The following ELMO1 variants were observed in gnomAD, a reference collection of about 807,000 sequenced individuals.
ELMO1 encodes the protein engulfment and cell motility protein 1.
A neutral mutation model predicts 98.9 loss-of-function variants in ELMO1; 26 were observed. The observed-to-expected ratio is 0.26, with a 90% CI of 0.19 to 0.36. ELMO1 has a LOEUF of 0.36. Among genes scored for constraint, ELMO1 ranks in the 10% least tolerant of loss-of-function variants. The pLI, the probability that ELMO1 is intolerant of heterozygous loss-of-function variation, is 1.00. For synonymous variants in ELMO1, 346 were observed against 346.0 expected (o/e 1.00, Z 0.00); for missense variants, 627 against 935.2 (o/e 0.67, Z 4.30).
At chr7:36,923,077 T>C (rs146579004) in intron 16 of ELMO1, among the ~76,000 whole-genome samples, 2,070 of 152,314 alleles carry the variant, frequency 0.014, 21 homozygotes, top group South Asian at 0.039. Context: ...CAAGTTCCAG[T>C]ACCTGTCTCC....
At chr7:37,278,573 A>T (rs1282613911) in intron 4 of ELMO1, among the ~76,000 whole-genome samples, 1 of 152,144 alleles carries the variant, frequency 6.6e-6, no homozygotes, top group African/African-American at 2.4e-5. Context: ...AACAAATTCT[A>T]CCTGTGGACA....
intron 16 of ELMO1, among the ~76,000 whole-genome samples, chr7:36,966,913 G>A (rs1189240444): frequency 1.3e-5 from 2 of 152,224 alleles, no homozygotes; most frequent in Non-Finnish European, 2.9e-5. Flanking sequence ...AGGCTGGCTC[G>A]CTGGCCACTG....
intron 19 of ELMO1, among the ~76,000 whole-genome samples, chr7:36,875,803 C>A (rs770418622): frequency 6.6e-6 from 1 of 152,166 alleles, no homozygotes; most frequent in Admixed American, 6.5e-5. Flanking sequence ...TGCCCCTACA[C>A]AAGGCTTTGT....
intron 7 of ELMO1, among the ~76,000 whole-genome samples, chr7:37,242,123 G>C (rs1408228376): frequency 6.6e-6 from 1 of 152,016 alleles, no homozygotes; most frequent in Non-Finnish European, 1.5e-5. Context: ...ATGTATTTCA[G>C]ATAACTTATT....
intron 16 of ELMO1, among the ~76,000 whole-genome samples, chr7:36,901,779 C>T (rs1806526049): frequency 6.6e-6 from 1 of 151,996 alleles, no homozygotes; most frequent in Non-Finnish European, 1.5e-5. Flanking sequence ...CTCTGAATCA[C>T]AGTCCTAGAC....
chr7:36,932,998 G>A (rs373832677), intron 16 of ELMO1, among the ~76,000 whole-genome samples: 133 of 152,208 alleles, frequency 8.7e-4, no homozygotes, highest in African/African-American at 3.0e-3. Flanking sequence ...ATCGTGTAGA[G>A]ACTGACTCTG....
At chr7:37,052,715 G>A (rs959166451) in intron 15 of ELMO1, among the ~76,000 whole-genome samples, 1 of 152,148 alleles carries the variant, frequency 6.6e-6, no homozygotes, top group African/African-American at 2.4e-5. Flanking sequence ...AAGTAGTCAC[G>A]GTACCAGCTG....
At chr7:37,263,999 A>G (rs1796116704) in intron 5 of ELMO1, among the ~76,000 whole-genome samples, 1 of 152,220 alleles carries the variant, frequency 6.6e-6, no homozygotes, top group Admixed American at 6.5e-5. Context: ...CAATAGGACA[A>G]TGGTGAAATA....
intron 6 of ELMO1, among the ~76,000 whole-genome samples, chr7:37,255,567 C>T (rs1031395199): frequency 1.3e-5 from 2 of 152,218 alleles, no homozygotes; most frequent in African/African-American, 4.8e-5. Flanking sequence ...AGGGGCTCCA[C>T]CACAGGCCCC....
chr7:37,216,662 G>A lies in ELMO1; in HGVS notation c.814C>T (p.Arg272Cys), dbSNP rs1311907939. The A allele has an allele frequency of 3.7e-6, 6 of 1,613,954 alleles. No individual in the cohort carries two copies. Among genetic ancestry groups the A allele is most frequent in the African/African-American group, 2.7e-5 (2 of 74,880 alleles). The change falls in exon 11 of 22, where the codon CGT becomes TGT. Residue 272 changes from arginine (R) to cysteine (C), a missense_variant. Physicochemically the swap from Arg to Cys is radical, Grantham distance 180. Coordinates refer to ENST00000310758, the MANE Select transcript of ELMO1 (RefSeq NM_014800.11). ...GTACTCACTGTTAAAATGATGGAAC[G>A]CAGTTGCTTCTGAGCCAAAATATTC... Reference protein sequence around the residue: ...MANILAQKQLRSIILTHVIRA... With the variant: ...MANILAQKQLCSIILTHVIRA...
intron 6 of ELMO1, among the ~76,000 whole-genome samples, chr7:37,258,881 T>G (rs1795834488): frequency 6.6e-6 from 1 of 152,000 alleles, no homozygotes. Flanking sequence ...GAGTTATACT[T>G]TCATTGTTGC....
intron 1 of ELMO1, among the ~76,000 whole-genome samples, chr7:37,439,586 T>C (rs1562693328): frequency 6.6e-6 from 1 of 152,242 alleles, no homozygotes; most frequent in Non-Finnish European, 1.5e-5. Context: ...TGAAGCATTA[T>C]GATCAGGGCT....
chr7:37,147,848 C>T (rs1361248607), intron 13 of ELMO1, among the ~76,000 whole-genome samples: 1 of 147,554 alleles, frequency 6.8e-6, no homozygotes, highest in African/African-American at 2.5e-5. Flanking sequence ...AAAAAAAAAG[C>T]CAGTTATTTA....
At chr7:37,251,065 C>A (rs1216921703) in intron 6 of ELMO1, among the ~76,000 whole-genome samples, 2 of 152,024 alleles carry the variant, frequency 1.3e-5, no homozygotes, top group African/African-American at 4.8e-5. Context: ...TGTCTGTGTG[C>A]TTAGAGGCAT....
Position 36,919,339 on chromosome 7 carries a change from G to A in ELMO1, c.1438-24322C>T, listed in dbSNP as rs370409376. 4.9e-5 allele frequency: 26 copies of A among 528,926 alleles called. No individual in the cohort carries two copies. In the Admixed American group the frequency reaches 5.0e-4, roughly 10 times the overall value. The allele number at this position is 528,926 out of a possible 1,614,324, so 32.8% of individuals were successfully genotyped here. ...TTCTAACACTGCTCAGATGCTGGCTGAAGACTTTGGGACTTCAGGCTATCC... is the reference window on the plus strand; with the variant it reads ...TTCTAACACTGCTCAGATGCTGGCTAAAGACTTTGGGACTTCAGGCTATCC... On this transcript the variant is annotated intron_variant, in intron 16 of 21. Coordinates refer to ENST00000310758, the MANE Select transcript of ELMO1 (RefSeq NM_014800.11).
chr7:37,384,458 C>T (rs968436380), intron 1 of ELMO1, among the ~76,000 whole-genome samples: 7 of 152,084 alleles, frequency 4.6e-5, no homozygotes, highest in African/African-American at 7.2e-5. Context: ...CAGTGGCTCA[C>T]GCCTGTAATC....
chr7:36,862,640 A>T (rs1468941225), intron 20 of ELMO1, among the ~76,000 whole-genome samples: 1 of 152,234 alleles, frequency 6.6e-6, no homozygotes, highest in Non-Finnish European at 1.5e-5. Context: ...CAGCATCCTG[A>T]GGACTCCTAG....
intron 2 of ELMO1, among the ~76,000 whole-genome samples, chr7:37,340,488 G>T (rs543845754): frequency 6.6e-6 from 1 of 152,212 alleles, no homozygotes; most frequent in East Asian, 1.9e-4. Context: ...CTGAGGAAAC[G>T]TGACAATTCG....
At chr7:37,163,776 T>C (rs1013823509) in intron 13 of ELMO1, among the ~76,000 whole-genome samples, 2 of 152,184 alleles carry the variant, frequency 1.3e-5, no homozygotes, top group Non-Finnish European at 2.9e-5. Flanking sequence ...TTTGCTATTG[T>C]GAATAGTGCC....
Sources: allele counts gnomAD v4.1 joint callset (sites outside exome capture counted in the v4.1 genomes callset), GRCh38; gene constraint gnomAD v4.1.1; transcripts MANE v1.5; gene names NCBI Gene and HGNC (gene_info 2026-07-23, HGNC 2026-07-21).